The following UCHL3 variants were observed in gnomAD, a reference collection of about 807,000 sequenced individuals.
The protein encoded by UCHL3 is ubiquitin carboxyl-terminal hydrolase isozyme L3.
UCHL3 carries 22 observed loss-of-function variants against 35.8 expected under a neutral mutation model. The observed-to-expected ratio is 0.61, with a 90% CI of 0.44 to 0.88. The LOEUF is 0.88. UCHL3 is among the 40% of genes least tolerant of loss of function. The pLI, the probability that UCHL3 is intolerant of heterozygous loss-of-function variation, is 0.00. For synonymous variants in UCHL3, 90 were observed against 92.8 expected (o/e 0.97, Z 0.17); for missense variants, 229 against 276.9 (o/e 0.83, Z 1.23).
chr13:75,571,976 C>CTGTCTTGTCTTGTCTTGTCT (rs6145127), intron 6 of UCHL3, among the ~76,000 whole-genome samples: 4,603 of 143,100 alleles, frequency 0.032, 247 homozygotes, highest in African/African-American at 0.1. Flanking sequence ...TTTCCTAACC[C>CTGTCTTGTCTTGTCTTGTCT]TGTCTTGTCT....
chr13:75,590,475 CAGGTCAACAAATGCTGTGTACCTTCTG>C (rs564004717), intron 6 of UCHL3, among the ~76,000 whole-genome samples: 103 of 152,282 alleles, frequency 6.8e-4, no homozygotes, highest in African/African-American at 2.3e-3. Context: ...TTAGTTGACT[CAGGTCAACAAATGCTGTGTACCTTCTG>C]AGTTCTTTGC....
At chr13:75,573,630 G>GGA (rs1445422437) in intron 6 of UCHL3, among the ~76,000 whole-genome samples, 1 of 152,086 alleles carries the variant, frequency 6.6e-6, no homozygotes, top group Non-Finnish European at 1.5e-5. Context: ...AGAGAGACGG[G>GGA]GAGAGAGAGA....
intron 6 of UCHL3, among the ~76,000 whole-genome samples, chr13:75,571,291 CA>C (rs2031849666): frequency 6.6e-6 from 1 of 152,116 alleles, no homozygotes; most frequent in Admixed American, 6.6e-5. Flanking sequence ...GAGTTTCATC[CA>C]AATTATGGAT....
intron 6 of UCHL3, among the ~76,000 whole-genome samples, chr13:75,570,458 G>A (rs989689888): frequency 3.3e-5 from 5 of 152,040 alleles, no homozygotes; most frequent in Non-Finnish European, 5.9e-5. Context: ...GGATGGTCTC[G>A]ATCTCCTGAC....
In UCHL3 at chr13:75,590,236, A is replaced by G. The variant is rs2032446289; in HGVS notation, c.475-4679A>G. ...GAGTGCTTTTCTCTTGGTTCACTCA[A>G]CCATTAGCTTTTTCTCCCCCAATAA... On this transcript the variant is annotated intron_variant, in intron 6 of 8. Transcript: ENST00000377595. 8 of 1,193,570 alleles carry G rather than the reference A, an allele frequency of 6.7e-6. No homozygotes were observed. In the South Asian group the frequency reaches 9.6e-5, roughly 14 times the overall value. 73.9% of individuals were successfully genotyped at this position (1,193,570 alleles called of 1,614,324 possible).
At chr13:75,587,017 C>CAAAAAA (rs3036429) in intron 6 of UCHL3, among the ~76,000 whole-genome samples, 2 of 98,968 alleles carry the variant, frequency 2.0e-5, no homozygotes, top group East Asian at 3.0e-4. Flanking sequence ...CTTAAGGTAG[C>CAAAAAA]AAAAAAAAAA....
At chr13:75,559,015 C>T (rs1040048505) in intron 2 of UCHL3, among the ~76,000 whole-genome samples, 1 of 149,658 alleles carries the variant, frequency 6.7e-6, no homozygotes, top group Non-Finnish European at 1.5e-5. Context: ...CCATTGATCT[C>T]CTCAGCCCCG....
chr13:75,594,086 G>C (rs2032581005), intron 6 of UCHL3, among the ~76,000 whole-genome samples: 1 of 152,142 alleles, frequency 6.6e-6, no homozygotes, highest in South Asian at 2.1e-4. Context: ...AATATTAGCT[G>C]TATAGTTACT....
chr13:75,589,610 T>A (rs545126712), intron 6 of UCHL3, among the ~76,000 whole-genome samples: 41 of 152,336 alleles, frequency 2.7e-4, no homozygotes, highest in African/African-American at 9.4e-4. Context: ...TTTTTGTGTG[T>A]GTGTTACTTT....
At chr13:75,579,533 C>G (rs1377042590) in intron 6 of UCHL3, among the ~76,000 whole-genome samples, 3 of 152,008 alleles carry the variant, frequency 2.0e-5, no homozygotes, top group Non-Finnish European at 4.4e-5. Flanking sequence ...CCTTTTCTCT[C>G]CCTCCGTCTG....
At chr13:75,602,410 G>A (rs1293970959) in intron 7 of UCHL3, among the ~76,000 whole-genome samples, 1 of 152,168 alleles carries the variant, frequency 6.6e-6, no homozygotes, top group African/African-American at 2.4e-5. Flanking sequence ...TTTCTTCCCC[G>A]TCCAGCCTGG....
chr13:75,561,210 G>A (rs1210919072), intron 3 of UCHL3, among the ~76,000 whole-genome samples: 2 of 152,140 alleles, frequency 1.3e-5, no homozygotes, highest in Non-Finnish European at 2.9e-5. Context: ...TGGGCTTATA[G>A]GCATGAGCCA....
At chr13:75,570,813 G>T (rs551941171) in intron 6 of UCHL3, among the ~76,000 whole-genome samples, 27 of 152,300 alleles carry the variant, frequency 1.8e-4, no homozygotes, top group African/African-American at 6.5e-4. Context: ...TAGGGAGGCT[G>T]AGGTGGGAGG....
In UCHL3 at chr13:75,554,758, T is replaced by C. The variant is rs1315637785; in HGVS notation, c.54+4771T>C. 2.0e-5 allele frequency among the ~76,000 whole-genome samples: 3 copies of C among 152,228 alleles called. No individual in the cohort carries two copies. In the East Asian group the frequency reaches 5.8e-4, roughly 29 times the overall value. On this transcript the variant is annotated intron_variant, in intron 2 of 8. Coordinates refer to ENST00000377595, the MANE Select transcript of UCHL3 (RefSeq NM_006002.5). Reference sequence around the variant, plus strand: ...TAGAAGATACTTGAAACTTTTTTGTTTTTTTAAACTTTTAGCTTCAGGGGT... The same window carrying C: ...TAGAAGATACTTGAAACTTTTTTGTCTTTTTAAACTTTTAGCTTCAGGGGT...
rs556649754 is a variant in UCHL3, at chr13:75,553,130, A to C, written c.54+3143A>C. On this transcript the variant is annotated intron_variant, in intron 2 of 8. Coordinates refer to ENST00000377595, the MANE Select transcript of UCHL3 (RefSeq NM_006002.5). ...CTTAAATAATCACAATAAATAAATC[A>C]TATAAATTCTCATAAGAATTCTCTA... 3.9e-4 allele frequency among the ~76,000 whole-genome samples: 59 copies of C among 152,382 alleles called. 1 individual carries two copies. In the Middle Eastern group the frequency reaches 0.024, roughly 62 times the overall value.
chr13:75,570,818 G>A (rs1405734568), intron 6 of UCHL3, among the ~76,000 whole-genome samples: 2 of 152,064 alleles, frequency 1.3e-5, no homozygotes, highest in African/African-American at 2.4e-5. Flanking sequence ...AGGCTGAGGT[G>A]GGAGGATTAC....
chr13:75,587,510 C>T (rs1435261249), intron 6 of UCHL3, among the ~76,000 whole-genome samples: 2 of 151,834 alleles, frequency 1.3e-5, no homozygotes, highest in African/African-American at 4.8e-5. Flanking sequence ...CTAGGAAATA[C>T]TGAAGAATTT....
intron 7 of UCHL3, among the ~76,000 whole-genome samples, chr13:75,599,404 A>G (rs1315302750): frequency 6.6e-6 from 1 of 152,096 alleles, no homozygotes; most frequent in African/African-American, 2.4e-5. Flanking sequence ...ACCTCATTTG[A>G]CTGTACTTTA....
intron 6 of UCHL3, chr13:75,590,299 G>T (rs2138558715): frequency 1.0e-6 from 1 of 959,696 alleles, no homozygotes; most frequent in Non-Finnish European, 1.2e-6. Flanking sequence ...ATTCTAGCTT[G>T]ACTTTTGCCA....
Sources: gnomAD v4.1 joint callset for allele counts (sites outside exome capture counted in the v4.1 genomes callset) on GRCh38, gnomAD v4.1.1 for gene constraint, MANE v1.5 for transcripts, NCBI Gene and HGNC (gene_info 2026-07-23, HGNC 2026-07-21) for gene names.